The following CIITA variants were observed in gnomAD, a reference collection of about 807,000 sequenced individuals.
CIITA encodes MHC class II transactivator.
A neutral mutation model predicts 115.1 loss-of-function variants in CIITA; 72 were observed. That is an observed-to-expected ratio of 0.63 (90% CI 0.52 to 0.76). CIITA has a LOEUF of 0.76. CIITA is among the 30% of genes least tolerant of loss of function. The probability of loss-of-function intolerance (pLI) is 0.00; values close to 1 mark genes in which losing one functional copy is unlikely to be tolerated. For synonymous variants in CIITA, 763 were observed against 635.6 expected (o/e 1.20, Z -3.02); for missense variants, 1,617 against 1,463.8 (o/e 1.10, Z -1.71).
At chr16:10,917,024 G>A (rs1419967761) in intron 15 of CIITA, 1 of 231,464 alleles carries the variant, frequency 4.3e-6, no homozygotes, top group Non-Finnish European at 8.6e-6. Flanking sequence ...TGAAAATAAT[G>A]TTTGGTGACA....
In CIITA at chr16:10,932,219, C is replaced by G. The variant is rs558700211; in HGVS notation, c.*8364C>G. ...CACACTTTGGCTATTAGAGATCAAC[C>G]CCTTCGCTCCTGTGTCTTGCAATGG... On this transcript the variant is annotated 3_prime_UTR_variant, in exon 20 of 20. Transcript: ENST00000324288. 6.6e-6 allele frequency: 1 copy of G among 152,226 alleles called. No homozygotes were observed. The highest frequency in any genetic ancestry group is 2.4e-5 in the African/African-American group (1 of 41,446). The allele number at this position is 152,226 out of a possible 1,614,324, so 9.4% of individuals were successfully genotyped here. A position where few individuals can be genotyped will look rare whatever the true frequency, so the allele number is the denominator to read the frequency against.
Position 10,924,000 on chromosome 16 carries a change from T to A in CIITA, c.*145T>A, listed in dbSNP as rs560840719. ...GCACCCGGCCCCTGCTGGTTCAGGG[T>A]TGGCCCCTGCCCGGCTGCGGAATGA... On this transcript the variant is annotated 3_prime_UTR_variant, in exon 20 of 20. Transcript: ENST00000324288. The surrounding 1 kb of genome is among the most constrained non-coding windows in gnomAD (Gnocchi z 5.2). 6.5e-6 allele frequency: 1 copy of A among 153,114 alleles called. No homozygotes were observed. The highest frequency in any genetic ancestry group is 2.1e-4 in the South Asian group (1 of 4,846). 9.5% of individuals were successfully genotyped at this position (153,114 alleles called of 1,614,324 possible).
downstream of CIITA, chr16:10,940,692 C>G (rs2041090583): frequency 6.6e-6 from 1 of 152,370 alleles, no homozygotes; most frequent in South Asian, 2.1e-4. This position sits in a 1 kb window ranked among gnomAD's most constrained non-coding sequence, Gnocchi z 4.2. Flanking sequence ...TGACTATGAC[C>G]AAGTCTTACT....
chr16:10,924,258 CAG>C lies in CIITA; in HGVS notation c.*406_*407del, dbSNP rs1343617581. The C allele has an allele frequency of 3.9e-5, 6 of 152,284 alleles. No individual in the cohort carries two copies. The highest frequency in any genetic ancestry group is 1.2e-4 in the African/African-American group (5 of 41,432). 9.4% of individuals were successfully genotyped at this position (152,284 alleles called of 1,614,324 possible). ...GTACTTCTTTTTTTTTATTTTTAGA[CAG>C]AGTCTCACTGTTGCCCAGGCTGGCG... is the stretch of plus-strand genomic sequence containing the variant. On this transcript the variant is annotated 3_prime_UTR_variant, in exon 20 of 20. Coordinates refer to ENST00000324288, the MANE Select transcript of CIITA (RefSeq NM_000246.4).
At position 10,904,765 on chromosome 16, in the gene CIITA, A is replaced by G. The variant is rs1313625143; in HGVS notation, c.959A>G (p.Gln320Arg). Residue 320 changes from glutamine to arginine, a missense_variant, in exon 10 of 20, where the codon CAA becomes CGA. Physicochemically the swap from Gln to Arg is conservative, Grantham distance 43. Transcript: ENST00000324288. ...NMTEHKTSPT[Q>R]CPAAGEVSNK... ...CCAGAGCACAAGACGTCCCCCACCC[A>G]ATGCCCGGCAGCTGGAGAGGTCTCC... is the stretch of plus-strand genomic sequence containing the variant. 6.2e-7 allele frequency: 1 copy of G among 1,614,030 alleles called. No homozygotes were observed.
At chr16:10,896,321 CT>C (rs1310388254) in intron 3 of CIITA, among the ~76,000 whole-genome samples, 5 of 152,200 alleles carry the variant, frequency 3.3e-5, no homozygotes, top group African/African-American at 1.2e-4. Flanking sequence ...ATGTACAGAT[CT>C]GAAATTCTAA....
intron 13 of CIITA, among the ~76,000 whole-genome samples, chr16:10,911,156 A>G (rs1458513222): frequency 1.3e-5 from 2 of 152,082 alleles, no homozygotes; most frequent in Non-Finnish European, 2.9e-5. Context: ...AGAAAGCACA[A>G]TAATTATTAT....
In CIITA at chr16:10,902,805, A is replaced by G. The variant is rs138147861; in HGVS notation, c.772+4A>G. ...TCCAGTATATTCATCTACCATGGTG[A>G]GTGCGGGGCCTGGCTCCCCGACCAC... On this transcript the variant is annotated splice_donor_region_variant and intron_variant, in intron 8 of 19. Coordinates refer to ENST00000324288, the MANE Select transcript of CIITA (RefSeq NM_000246.4). 8 of 1,614,106 alleles carry G rather than the reference A, an allele frequency of 5.0e-6. No individual in the cohort carries two copies. In the East Asian group the frequency reaches 1.8e-4, roughly 36 times the overall value.
Position 10,916,681 on chromosome 16 carries a change from A to G in CIITA, c.3062+222A>G, listed in dbSNP as rs2039971395. The G allele has an allele frequency of 5.2e-6, 3 of 575,088 alleles. No homozygotes were observed. In the Admixed American group the frequency reaches 8.1e-5, roughly 16 times the overall value. The allele number at this position is 575,088 out of a possible 1,614,324, so 35.6% of individuals were successfully genotyped here. A position where few individuals can be genotyped will look rare whatever the true frequency, so the allele number is the denominator to read the frequency against. On this transcript the variant is annotated intron_variant, in intron 15 of 19. Transcript: ENST00000324288. ...GCTGGGATTATAGGTGTGACTTACCATGCCCAGCCCCAGTGGATTCATCCA... is the reference window on the plus strand; with the variant it reads ...GCTGGGATTATAGGTGTGACTTACCGTGCCCAGCCCCAGTGGATTCATCCA...
Position 10,898,725 on chromosome 16 carries a change from C to T in CIITA, c.351C>T (p.Asp117=), listed in dbSNP as rs535802743. The change falls in exon 4 of 20, where the codon GAC becomes GAT. Residue 117 remains aspartate (D), a synonymous_variant. Transcript: ENST00000324288. ...QDSQLEGLSK[D]IFKHIGPDEV... ...CCCAGCTGGAGGGCCTGAGCAAGGA[C>T]ATTTTCAGTAAGTTTGTGGTGGGTG... The T allele has an allele frequency of 1.9e-5, 31 of 1,611,814 alleles. No homozygotes were observed. The highest frequency in any genetic ancestry group is 8.0e-5 in the African/African-American group (6 of 74,706).
intron 15 of CIITA, 130 bp from the exon 16 acceptor site, chr16:10,918,310 C>A: frequency 1.2e-6 from 1 of 864,970 alleles, no homozygotes; most frequent in Non-Finnish European, 2.0e-6. Flanking sequence ...CAGTATCCTC[C>A]TATTTACCGA....
intron 1 of CIITA, among the ~76,000 whole-genome samples, chr16:10,883,986 C>A (rs1251624023): frequency 1.3e-5 from 2 of 152,176 alleles, no homozygotes; most frequent in Non-Finnish European, 2.9e-5. Context: ...AATCAATGAA[C>A]CTACATTGAT....
downstream of CIITA, chr16:10,940,278 C>G (rs1224555219): frequency 6.6e-6 from 1 of 152,174 alleles, no homozygotes; most frequent in Non-Finnish European, 1.5e-5. The surrounding 1 kb of genome is among the most constrained non-coding windows in gnomAD (Gnocchi z 4.2). Flanking sequence ...GAAGGCAGAG[C>G]CTTCATGGGT....
At chr16:10,900,601 G>C (rs7499753) in intron 5 of CIITA, among the ~76,000 whole-genome samples, 2 of 151,972 alleles carry the variant, frequency 1.3e-5, no homozygotes, top group African/African-American at 4.8e-5. Flanking sequence ...TTAGCCAGGC[G>C]TGGTGGCGAA....
At chr16:10,880,398 G>T (rs1309313868) in intron 1 of CIITA, among the ~76,000 whole-genome samples, 1 of 152,218 alleles carries the variant, frequency 6.6e-6, no homozygotes, top group Non-Finnish European at 1.5e-5. Context: ...CAGAGACACT[G>T]GGAGGCGCTG....
intron 1 of CIITA, among the ~76,000 whole-genome samples, chr16:10,871,576 GA>G (rs2035486173): frequency 6.6e-6 from 1 of 152,128 alleles, no homozygotes; most frequent in South Asian, 2.1e-4. Flanking sequence ...GGAAAGGGAG[GA>G]ACACCCCACC....
chr16:10,901,124 C>G lies in CIITA; in HGVS notation c.437-390C>G, dbSNP rs758626420. Among the ~76,000 whole-genome samples, 16 of 152,144 alleles carry G rather than the reference C, an allele frequency of 1.1e-4. No individual in the cohort carries two copies. Among genetic ancestry groups the G allele is most frequent in the Non-Finnish European group, 2.2e-4 (15 of 68,024 alleles). ...TACTCACTCACTGATTTCTGGCATA[C>G]TCCTGCAATGTAGGAACCACCACCC... On this transcript the variant is annotated intron_variant, in intron 5 of 19. Transcript: ENST00000324288. The surrounding 1 kb of genome is among the most constrained non-coding windows in gnomAD (Gnocchi z 6.8).
intron 1 of CIITA, among the ~76,000 whole-genome samples, chr16:10,881,183 G>C (rs1054633029): frequency 1.1e-4 from 16 of 152,198 alleles, no homozygotes; most frequent in African/African-American, 3.6e-4. Context: ...GGAGGCTGAG[G>C]CACGAGAATC....
intron 1 of CIITA, among the ~76,000 whole-genome samples, chr16:10,872,181 GGC>G (rs936534254): frequency 7.2e-5 from 11 of 152,070 alleles, no homozygotes; most frequent in African/African-American, 2.7e-4. Flanking sequence ...GGAATGCAGT[GGC>G]GTGATCTCAG....
Sources: allele counts gnomAD v4.1 joint callset (sites outside exome capture counted in the v4.1 genomes callset), GRCh38; gene constraint gnomAD v4.1.1; non-coding constraint Gnocchi (gnomAD v3.1); transcripts MANE v1.5; gene names NCBI Gene and HGNC (gene_info 2026-07-23, HGNC 2026-07-21).